MSRA: variants seen among roughly 807,000 people sequenced by gnomAD.
The protein encoded by MSRA is methionine sulfoxide reductase A, also known as mitochondrial peptide methionine sulfoxide reductase.
MSRA carries 54 observed loss-of-function variants against 31.3 expected under a neutral mutation model. The observed-to-expected ratio is 1.73, with a 90% CI of 1.39 to 2.17. The LOEUF is 2.17. Ranked by LOEUF, MSRA falls within the 30% of genes most tolerant of loss-of-function variation. MSRA has a pLI of 0.00. For synonymous variants in MSRA, 169 were observed against 116.5 expected (o/e 1.45, Z -2.90); for missense variants, 507 against 300.9 (o/e 1.69, Z -5.07).
chr8:10,099,784 C>G (rs767794519), intron 1 of MSRA, among the ~76,000 whole-genome samples: 7 of 152,166 alleles, frequency 4.6e-5, no homozygotes, highest in Middle Eastern at 3.2e-3. Flanking sequence ...TGATATGAAA[C>G]AAGGACTTGC....
At chr8:10,114,686 G>A (rs1192520333) in intron 1 of MSRA, among the ~76,000 whole-genome samples, 1 of 152,112 alleles carries the variant, frequency 6.6e-6, no homozygotes, top group Non-Finnish European at 1.5e-5. Context: ...TTGAAGTGAC[G>A]GGTCAGGGAT....
chr8:10,356,219 G>A (rs376849058), intron 5 of MSRA, among the ~76,000 whole-genome samples: 42 of 152,134 alleles, frequency 2.8e-4, no homozygotes, highest in African/African-American at 5.3e-4. Context: ...GTTGTTTTCC[G>A]TATGGTTACT....
At chr8:10,268,092 T>A (rs575699049) in intron 3 of MSRA, among the ~76,000 whole-genome samples, 45 of 152,312 alleles carry the variant, frequency 3.0e-4, no homozygotes, top group South Asian at 2.3e-3. Context: ...TCTAGTGCCA[T>A]TTCATAAGCA....
chr8:10,181,846 G>C (rs1247958534), intron 1 of MSRA, among the ~76,000 whole-genome samples: 1 of 152,178 alleles, frequency 6.6e-6, no homozygotes, highest in Non-Finnish European at 1.5e-5. Context: ...TTCTACCCTT[G>C]GGTCATGTAC....
chr8:10,276,606 C>T (rs532238035), intron 3 of MSRA, among the ~76,000 whole-genome samples: 3 of 152,300 alleles, frequency 2.0e-5, no homozygotes, highest in East Asian at 1.9e-4. Flanking sequence ...GTAGCCATCT[C>T]GTCCTTTATT....
intron 1 of MSRA, among the ~76,000 whole-genome samples, chr8:10,120,196 A>G (rs528763865): frequency 9.8e-5 from 15 of 152,310 alleles, no homozygotes; most frequent in Non-Finnish European, 1.8e-4. Flanking sequence ...AGCAGAGCAC[A>G]CAGAGACTGT....
intron 5 of MSRA, among the ~76,000 whole-genome samples, chr8:10,400,044 G>A (rs2129183445): frequency 6.6e-6 from 1 of 152,328 alleles, no homozygotes; most frequent in African/African-American, 2.4e-5. Flanking sequence ...TTAGGGACTA[G>A]CAGCCATTTC....
intron 4 of MSRA, among the ~76,000 whole-genome samples, chr8:10,307,169 AT>A (rs5889329): frequency 0.88 from 117,669 of 133,092 alleles, 52,069 homozygotes; most frequent in East Asian, 0.95. Flanking sequence ...AAGGATGCAC[AT>A]TTTTTTTTTT....
intron 5 of MSRA, among the ~76,000 whole-genome samples, chr8:10,403,319 A>T (rs1263378927): frequency 6.6e-6 from 1 of 152,170 alleles, no homozygotes; most frequent in Non-Finnish European, 1.5e-5. Context: ...CAACCCAGCC[A>T]ACGAGAAAAA....
intron 3 of MSRA, among the ~76,000 whole-genome samples, chr8:10,281,794 G>A (rs951994064): frequency 3.9e-5 from 6 of 152,180 alleles, no homozygotes; most frequent in Admixed American, 2.6e-4. Context: ...GTAAAGGGGC[G>A]CTGATCAAGA....
chr8:10,362,256 C>T (rs565319254), intron 5 of MSRA, among the ~76,000 whole-genome samples: 2 of 152,194 alleles, frequency 1.3e-5, no homozygotes, highest in Admixed American at 6.5e-5. Flanking sequence ...CAGGAAATAT[C>T]GTCCTTACTT....
chr8:10,178,263 C>G (rs1422813647), intron 1 of MSRA, among the ~76,000 whole-genome samples: 2 of 152,068 alleles, frequency 1.3e-5, no homozygotes, highest in Non-Finnish European at 2.9e-5. Flanking sequence ...CATACTCTGA[C>G]AGTAAAAATC....
chr8:10,128,209 C>A (rs1049761062), intron 1 of MSRA, among the ~76,000 whole-genome samples: 27 of 152,078 alleles, frequency 1.8e-4, no homozygotes, highest in African/African-American at 5.6e-4. Context: ...GAAACCCCAT[C>A]TCTACTAAAA....
intron 3 of MSRA, among the ~76,000 whole-genome samples, chr8:10,296,076 TC>T (rs1367973455): frequency 3.3e-5 from 5 of 152,214 alleles, no homozygotes. Flanking sequence ...TTTTGCCACT[TC>T]ATCAAAAGAG....
At chr8:10,159,535 A>G (rs1038148212) in intron 1 of MSRA, among the ~76,000 whole-genome samples, 1 of 152,232 alleles carries the variant, frequency 6.6e-6, no homozygotes, top group Non-Finnish European at 1.5e-5. Context: ...ATGGAAGTAC[A>G]GTTTTTTACT....
chr8:10,238,273 A>T (rs1812121866), intron 2 of MSRA, among the ~76,000 whole-genome samples: 1 of 152,156 alleles, frequency 6.6e-6, no homozygotes, highest in African/African-American at 2.4e-5. Context: ...CTTCCCTTGG[A>T]GGCTCACCCT....
intron 1 of MSRA, among the ~76,000 whole-genome samples, chr8:10,115,392 G>T (rs73528960): frequency 0.075 from 11,486 of 152,210 alleles, 780 homozygotes; most frequent in African/African-American, 0.18. Context: ...CAGTAAGAAT[G>T]GCAGGGGCCA....
chr8:10,319,884 T>G lies in MSRA; in HGVS notation c.438T>G (p.Gly146=). The G allele has an allele frequency of 6.5e-7, 1 of 1,532,208 alleles. No individual in the cohort carries two copies. The highest frequency in any genetic ancestry group is 8.8e-7 in the Non-Finnish European group (1 of 1,136,280). The allele number at this position is 1,532,208 out of a possible 1,614,324, so 94.9% of individuals were successfully genotyped here. The change falls in exon 5 of 6, where the codon GGT becomes GGG. Residue 146 remains glycine (G), a splice_region_variant and synonymous_variant. Transcript: ENST00000317173. ...VFWENHDPTQ[G]MRQGNDHGTQ... ...CCTCCCTGTTTTCTGCTTTCCTAGG[T>G]ATGCGCCAGGGGAACGACCATGGCA...
chr8:10,235,973 G>T (rs1166213660), intron 2 of MSRA, among the ~76,000 whole-genome samples: 1 of 152,146 alleles, frequency 6.6e-6, no homozygotes, highest in African/African-American at 2.4e-5. Flanking sequence ...ACTGAAAGAT[G>T]ATTTAGAAAA....
Sources: gnomAD v4.1 joint callset for allele counts (sites outside exome capture counted in the v4.1 genomes callset) on GRCh38, gnomAD v4.1.1 for gene constraint, MANE v1.5 for transcripts, NCBI Gene and HGNC (gene_info 2026-07-23, HGNC 2026-07-21) for gene names.